The following TNS1 variants were observed in gnomAD, a reference collection of about 807,000 sequenced individuals.
TNS1 encodes the protein tensin 1.
Under a neutral mutation model 168.6 loss-of-function variants are expected in TNS1, and 62 were observed. The observed-to-expected ratio is 0.37, with a 90% CI of 0.30 to 0.45. The LOEUF is 0.45. Among genes scored for constraint, TNS1 ranks in the 20% least tolerant of loss-of-function variants. TNS1 has a pLI of 1.00. For synonymous variants in TNS1, 934 were observed against 933.2 expected, an observed-to-expected ratio of 1.00 and a Z score of -0.02; for missense variants, 2,240 against 2,339.4, an observed-to-expected ratio of 0.96 and a Z score of 0.88.
chr2:217,851,694 C>T (rs1947521928), intron 18 of TNS1, among the ~76,000 whole-genome samples: 1 of 152,168 alleles, frequency 6.6e-6, no homozygotes, highest in Non-Finnish European at 1.5e-5. Context: ...GGCCCTGTGC[C>T]TAGACCCCTA....
intron 16 of TNS1, 139 bp downstream of exon 16, chr2:217,884,896 T>C: frequency 9.1e-7 from 1 of 1,093,598 alleles, no homozygotes; most frequent in Non-Finnish European, 1.3e-6. Context: ...CTCTCTCAAC[T>C]CTCTCCTACC....
chr2:217,954,091 T>C (rs1236360665), intron 3 of TNS1, among the ~76,000 whole-genome samples: 1 of 152,188 alleles, frequency 6.6e-6, no homozygotes, highest in Admixed American at 6.5e-5. Flanking sequence ...CTTGGGCTAA[T>C]AAGCCCGCCA....
At chr2:217,941,212 G>A (rs547044400) in intron 3 of TNS1, among the ~76,000 whole-genome samples, 45 of 152,332 alleles carry the variant, frequency 3.0e-4, no homozygotes, top group Middle Eastern at 3.4e-3. Context: ...AACTGGGCAG[G>A]GGTTCAAGAT....
intron 1 of TNS1, among the ~76,000 whole-genome samples, chr2:218,000,804 C>T (rs897311649): frequency 8.5e-5 from 13 of 152,054 alleles, no homozygotes; most frequent in Non-Finnish European, 1.3e-4. Flanking sequence ...AGGATGGGGA[C>T]TAGGAGAGGA....
intron 2 of TNS1, among the ~76,000 whole-genome samples, chr2:217,989,307 TG>T (rs1416274984): frequency 2.6e-5 from 4 of 152,144 alleles, no homozygotes; most frequent in African/African-American, 4.8e-5. Context: ...TAAGTCCCAC[TG>T]GAAGCTGGTG....
intron 3 of TNS1, among the ~76,000 whole-genome samples, chr2:217,953,117 T>C (rs1957281049): frequency 6.6e-6 from 1 of 152,190 alleles, no homozygotes; most frequent in African/African-American, 2.4e-5. Context: ...CTGTTCCTAA[T>C]GTCCATGAGG....
intron 3 of TNS1, among the ~76,000 whole-genome samples, chr2:217,927,015 C>A (rs1163621242): frequency 6.6e-6 from 1 of 152,210 alleles, no homozygotes. Flanking sequence ...GCACCTGAGC[C>A]TGGCATGGAG....
At chr2:217,856,598 C>T (rs1250573547) in intron 18 of TNS1, among the ~76,000 whole-genome samples, 4 of 152,188 alleles carry the variant, frequency 2.6e-5, no homozygotes, top group Non-Finnish European at 4.4e-5. Context: ...ACAGAGGAGA[C>T]ACAGCCTCTG....
intron 18 of TNS1, chr2:217,859,406 C>T (rs772852887): frequency 3.9e-6 from 2 of 516,824 alleles, no homozygotes; most frequent in Non-Finnish European, 3.4e-6. Flanking sequence ...AGCCAGAACA[C>T]TTCCTTGGCT....
Position 217,948,173 on chromosome 2 carries a change from T to A in TNS1, c.187-27937A>T, listed in dbSNP as rs963412884. Among the ~76,000 whole-genome samples the A allele has an allele frequency of 6.6e-6, 1 of 152,176 alleles. No homozygotes were observed. The highest frequency in any genetic ancestry group is 1.5e-5 in the Non-Finnish European group (1 of 68,038). ...GGTTCTTACAGCACTAAGGTGAAGT[T>A]CCTCTGAGCTGCGCTAAAAGCTGAC... On this transcript the variant is annotated intron_variant, in intron 3 of 32. Transcript: ENST00000682258. The surrounding 1 kb of genome is among the most constrained non-coding windows in gnomAD (Gnocchi z 4.1).
At chr2:218,018,255 GC>G (rs1194847087) in intron 1 of TNS1, among the ~76,000 whole-genome samples, 3 of 152,164 alleles carry the variant, frequency 2.0e-5, no homozygotes, top group African/African-American at 7.2e-5. Context: ...GCACCACACG[GC>G]CAGAGAGGCC....
intron 12 of TNS1, 70 bp downstream of exon 12, chr2:217,890,892 C>T (rs1951676222): frequency 1.2e-5 from 18 of 1,542,266 alleles, no homozygotes; most frequent in Admixed American, 1.7e-5. Flanking sequence ...CCTGTGAGTA[C>T]ACAAGTCTAG....
In TNS1 at chr2:217,885,746, A is replaced by G. The variant is rs1427409505; in HGVS notation, c.1114T>C (p.Leu372=). The G allele has an allele frequency of 6.2e-7, 1 of 1,614,032 alleles. No homozygotes were observed. The highest frequency in any genetic ancestry group is 1.3e-5 in the African/African-American group (1 of 75,060). Residue 372 remains leucine (L), a splice_region_variant and synonymous_variant, in exon 15 of 33, where the codon TTG becomes CTG. Transcript: ENST00000682258. ...TTGACACAGAGGACAGCACTCACCAAGATGTCTCCCTTCAAGAGCAGTCCT... is the reference window on the plus strand; with the variant it reads ...TTGACACAGAGGACAGCACTCACCAGGATGTCTCCCTTCAAGAGCAGTCCT... ...EPGLLLKGDI[L]LKCYHKKFRS... is the part of the protein sequence containing the mutation.
At chr2:217,981,315 AG>A (rs1043812640) in intron 2 of TNS1, among the ~76,000 whole-genome samples, 1 of 152,234 alleles carries the variant, frequency 6.6e-6, no homozygotes, top group African/African-American at 2.4e-5. Flanking sequence ...TGGTAGGCAA[AG>A]GGTGGGCTGA....
upstream of TNS1, among the ~76,000 whole-genome samples, chr2:218,004,423 C>T (rs1236075714): frequency 6.6e-6 from 1 of 152,162 alleles, no homozygotes; most frequent in Non-Finnish European, 1.5e-5. Flanking sequence ...GCACCACATA[C>T]CGTGCAACTA....
At chr2:217,895,806 A>T (rs1952231695) in intron 8 of TNS1, among the ~76,000 whole-genome samples, 1 of 152,020 alleles carries the variant, frequency 6.6e-6, no homozygotes, top group African/African-American at 2.4e-5. Flanking sequence ...TCCCACCTCC[A>T]CCCCACTGCC....
At chr2:217,810,513 T>C (rs764560462) in intron 28 of TNS1, among the ~76,000 whole-genome samples, 194 bp from the exon 29 acceptor site, 5 of 152,202 alleles carry the variant, frequency 3.3e-5, no homozygotes, top group Non-Finnish European at 7.3e-5. Context: ...ACACTGGTTG[T>C]GAGCTCTGGA....
At chr2:217,937,492 C>G (rs1361543292) in intron 3 of TNS1, among the ~76,000 whole-genome samples, 3 of 152,094 alleles carry the variant, frequency 2.0e-5, no homozygotes, top group Non-Finnish European at 2.9e-5. Flanking sequence ...CCTGGCTTGG[C>G]GGCCCCTCTC....
At chr2:218,009,104 A>G (rs1958683794) in intron 1 of TNS1, among the ~76,000 whole-genome samples, 1 of 152,204 alleles carries the variant, frequency 6.6e-6, no homozygotes, top group Non-Finnish European at 1.5e-5. Context: ...GGCTGGCTCC[A>G]TAGCTGGGAC....
Sources: gnomAD v4.1 joint callset for allele counts (sites outside exome capture counted in the v4.1 genomes callset) on GRCh38, gnomAD v4.1.1 for gene constraint, Gnocchi (gnomAD v3.1) non-coding constraint, MANE v1.5 for transcripts, NCBI Gene and HGNC (gene_info 2026-07-23, HGNC 2026-07-21) for gene names.